AHCTF1: variants seen among roughly 807,000 people sequenced by gnomAD.
AHCTF1 encodes the protein AT-hook containing transcription factor 1.
In AHCTF1, 24 loss-of-function variants were observed where a neutral mutation model predicts 248.4. The ratio of observed to expected loss-of-function variants is 0.10; its 90% confidence interval spans 0.07 to 0.14. The LOEUF (loss-of-function observed/expected upper bound fraction) is 0.14. Among genes scored for constraint, AHCTF1 ranks in the 10% least tolerant of loss-of-function variants. The pLI is 1.00. For missense variants in AHCTF1, 2,206 were observed against 2,636.2 expected (o/e 0.84, Z 3.57); for synonymous variants, 786 against 929.8 (o/e 0.85, Z 2.81).
intron 4 of AHCTF1, among the ~76,000 whole-genome samples, chr1:246,909,247 T>TAAAAA (rs34089730): frequency 9.2e-6 from 1 of 109,104 alleles, no homozygotes; most frequent in Non-Finnish European, 1.9e-5. Context: ...TCGGCTCTAC[T>TAAAAA]AAAAAAAAAA....
In AHCTF1 at chr1:246,839,851, GTTGT is replaced by G. The variant is rs1428976300; in HGVS notation, c.*951_*954del. 2 of 152,624 alleles carry G rather than the reference GTTGT, an allele frequency of 1.3e-5. No homozygotes were observed. The highest frequency in any genetic ancestry group is 2.9e-5 in the Non-Finnish European group (2 of 68,064). 9.5% of individuals were successfully genotyped at this position (152,624 alleles called of 1,614,324 possible). A position where few individuals can be genotyped will look rare whatever the true frequency, so the allele number is the denominator to read the frequency against. On this transcript the variant is annotated 3_prime_UTR_variant, in exon 36 of 36. Coordinates refer to ENST00000648844, the MANE Select transcript of AHCTF1 (RefSeq NM_001323342.2). ...TTGTACTGTAGAGAACAGGGCGTGT[GTTGT>G]TTTTCTCCTTTTCTACATCTACTCA...
rs552520354 is a variant in AHCTF1, at chr1:246,848,121, G to A, written c.6391+1494C>T. On this transcript the variant is annotated intron_variant, in intron 33 of 35. Coordinates refer to ENST00000648844, the MANE Select transcript of AHCTF1 (RefSeq NM_001323342.2). ...AATTTTCTGAGTGACGAGGGGAGAG[G>A]AGGATCCCCTATAGCTACAAATCAT... Among the ~76,000 whole-genome samples the A allele has an allele frequency of 4.5e-3, 684 of 152,236 alleles. 4 individuals carry two copies. The highest frequency in any genetic ancestry group is 7.1e-3 in the Non-Finnish European group (485 of 68,000).
intron 14 of AHCTF1, 25 bp downstream of exon 14, chr1:246,894,634 C>T (rs1428997543): frequency 6.4e-7 from 1 of 1,555,296 alleles, no homozygotes; most frequent in African/African-American, 1.4e-5. Flanking sequence ...AAATTCTGTC[C>T]TACATCTAGA....
At position 246,840,905 on chromosome 1, in the gene AHCTF1, T is replaced by C. The variant is rs1659813196; in HGVS notation, c.6702A>G (p.Lys2234=). ...LASPADGVKS[K]PRKTTEVTGT... Reference sequence around the variant, plus strand: ...CTGTCACTTCTGTAGTTTTTCTTGGTTTGCTCTTGACTCCGTCAGCTGGGC... The same window carrying C: ...CTGTCACTTCTGTAGTTTTTCTTGGCTTGCTCTTGACTCCGTCAGCTGGGC... The change falls in exon 36 of 36, where the codon AAA becomes AAG. Residue 2234 remains lysine, a synonymous_variant. Coordinates refer to ENST00000648844, the MANE Select transcript of AHCTF1 (RefSeq NM_001323342.2). 6.2e-7 allele frequency: 1 copy of C among 1,613,510 alleles called. No individual in the cohort carries two copies. The highest frequency in any genetic ancestry group is 8.5e-7 in the Non-Finnish European group (1 of 1,179,750).
chr1:246,842,570 A>T (rs1251940213), intron 35 of AHCTF1, 124 bp downstream of exon 35: 8 of 687,216 alleles, frequency 1.2e-5, no homozygotes, highest in Non-Finnish European at 6.1e-6. Context: ...TGACAGACCG[A>T]GACTCTGTCT....
At position 246,877,142 on chromosome 1, in the gene AHCTF1, A is replaced by T. The variant is rs372609681; in HGVS notation, c.2805+16T>A. The T allele has an allele frequency of 1.4e-5, 22 of 1,612,530 alleles. No homozygotes were observed. The highest frequency in any genetic ancestry group is 4.4e-5 in the South Asian group (4 of 91,018). The stretch of plus-strand genomic sequence containing the variant: ...TATCTTGAATTTCTGACAAGTTTAC[A>T]TCGGTAAGTAATTACCTGCTCAGTG... On this transcript the variant is annotated intron_variant, in intron 22 of 35. Transcript: ENST00000648844.
At chr1:246,880,435 G>T (rs146772110) in intron 21 of AHCTF1, among the ~76,000 whole-genome samples, 4 of 151,496 alleles carry the variant, frequency 2.6e-5, no homozygotes, top group Non-Finnish European at 5.9e-5. Flanking sequence ...ATGGTGGCAC[G>T]TGCCTATAAT....
chr1:246,903,565 C>G (rs1665153515), intron 7 of AHCTF1, among the ~76,000 whole-genome samples: 1 of 152,002 alleles, frequency 6.6e-6, no homozygotes, highest in African/African-American at 2.4e-5. Context: ...TGCGGTGGCT[C>G]ACACCTGTAA....
At chr1:246,868,872 T>C (rs1368082285) in intron 24 of AHCTF1, among the ~76,000 whole-genome samples, 107 of 144,356 alleles carry the variant, frequency 7.4e-4, no homozygotes, top group African/African-American at 2.6e-3. Context: ...TGAGATGGAG[T>C]CTCGCTCTGT....
chr1:246,902,173 A>G (rs1665047923), intron 8 of AHCTF1, among the ~76,000 whole-genome samples: 1 of 152,214 alleles, frequency 6.6e-6, no homozygotes, highest in Non-Finnish European at 1.5e-5. Context: ...ACTAAAGAAG[A>G]CAGAGAAAAC....
intron 1 of AHCTF1, among the ~76,000 whole-genome samples, chr1:246,927,070 C>G (rs1558287366): frequency 6.7e-6 from 1 of 148,652 alleles, no homozygotes; most frequent in African/African-American, 2.5e-5. Flanking sequence ...CCCAGGTACC[C>G]GGGAGGCTGA....
intron 19 of AHCTF1, 135 bp downstream of exon 19, chr1:246,888,041 TC>T: frequency 1.1e-6 from 1 of 907,362 alleles, no homozygotes; most frequent in Non-Finnish European, 1.7e-6. Flanking sequence ...AAACAACAGA[TC>T]CTGGGTTAAC....
rs1659820327 is a variant in AHCTF1 at position 246,840,966 on chromosome 1, G to A, written c.6641C>T (p.Pro2214Leu). 1 of 1,610,212 alleles carries A rather than the reference G, an allele frequency of 6.2e-7. No homozygotes were observed. The highest frequency in any genetic ancestry group is 1.3e-5 in the African/African-American group (1 of 74,530). Residue 2214 changes from proline (P) to leucine (L), a missense_variant, in exon 36 of 36, where the codon CCT becomes CTT. Physicochemically the swap from Pro to Leu is moderately conservative, Grantham distance 98. Around this residue, in one of 6 missense-constraint regions of AHCTF1, gnomAD observed 469 missense variants for 470.0 expected, o/e 1.00. Coordinates refer to ENST00000648844, the MANE Select transcript of AHCTF1 (RefSeq NM_001323342.2). The part of the protein sequence containing the change: ...NTEKESAWSP[P>L]PIEIRLISPL... ...GGAAATCAGCCGAATTTCTATGGGA[G>A]GAGGTGACCAAGCACTTTCTTTTTC...
At chr1:246,885,352 A>T in intron 21 of AHCTF1, 141 bp downstream of exon 21, 1 of 630,016 alleles carries the variant, frequency 1.6e-6, no homozygotes, top group Non-Finnish European at 2.6e-6. Flanking sequence ...TTTCAATCTG[A>T]ATTTGATGCA....
intron 21 of AHCTF1, among the ~76,000 whole-genome samples, chr1:246,878,396 CAAAAAAAAA>C (rs1199465751): frequency 1.4e-3 from 43 of 30,776 alleles, no homozygotes; most frequent in East Asian, 6.0e-3. Context: ...GATTCTGTCT[CAAAAAAAAA>C]AAAAAAAAAA....
chr1:246,898,407 TAC>T (rs546886375), intron 11 of AHCTF1, 71 bp from the exon 12 acceptor site: 2 of 1,446,246 alleles, frequency 1.4e-6, no homozygotes, highest in South Asian at 2.6e-5. Context: ...ATTAATTAAT[TAC>T]ACTTAAAATT....
At chr1:246,913,560 T>C in intron 3 of AHCTF1, 148 bp from the exon 4 acceptor site, 3 of 717,290 alleles carry the variant, frequency 4.2e-6, no homozygotes, top group Non-Finnish European at 6.5e-6. Context: ...ATCTGAATAA[T>C]GAAATCTTCA....
chr1:246,858,850 G>C (rs1454837595), intron 29 of AHCTF1, among the ~76,000 whole-genome samples: 1 of 151,472 alleles, frequency 6.6e-6, no homozygotes, highest in Non-Finnish European at 1.5e-5. Context: ...GCCTAATATT[G>C]TAAGAATAAT....
Position 246,861,188 on chromosome 1 carries a change from C to T in AHCTF1, c.3843G>A (p.Leu1281=). The T allele has an allele frequency of 6.2e-7, 1 of 1,613,604 alleles. No homozygotes were observed. The highest frequency in any genetic ancestry group is 8.5e-7 in the Non-Finnish European group (1 of 1,180,006). ...CTTGATGCTCCTTTTCAGGGCTGTT[C>T]AGGAAAAAAGATGTGGTCCTATCTT... ...KSKDRTTSFF[L]NSPEKEHQEM... is the part of the protein sequence containing the mutation. Residue 1281 remains leucine, a synonymous_variant, in exon 29 of 36, where the codon CTG becomes CTA. Transcript: ENST00000648844.
Sources: gnomAD v4.1 joint callset for allele counts (sites outside exome capture counted in the v4.1 genomes callset) on GRCh38, gnomAD v4.1.1 for gene constraint, gnomAD v4.1.1 regional missense constraint, MANE v1.5 for transcripts, NCBI Gene and HGNC (gene_info 2026-07-23, HGNC 2026-07-21) for gene names.